DIMT1: variants seen among roughly 807,000 people sequenced by gnomAD.
The protein encoded by DIMT1 is DIM1 rRNA methyltransferase and ribosome maturation factor.
In DIMT1, 36 loss-of-function variants were observed where a neutral mutation model predicts 43.2. That is an observed-to-expected ratio of 0.83 (90% CI 0.64 to 1.10). DIMT1 has a LOEUF of 1.10. Among genes scored for constraint, DIMT1 ranks in the 50% least tolerant of loss-of-function variants. DIMT1 has a pLI of 0.00. For synonymous variants in DIMT1, 126 were observed against 130.3 expected, an observed-to-expected ratio of 0.97 and a Z score of 0.22; for missense variants, 341 against 385.3, an observed-to-expected ratio of 0.88 and a Z score of 0.96.
intron 6 of DIMT1, among the ~76,000 whole-genome samples, chr5:62,395,742 C>T (rs536725447): frequency 3.9e-5 from 6 of 152,148 alleles, no homozygotes; most frequent in Non-Finnish European, 8.8e-5. Flanking sequence ...GCGGCACACA[C>T]CTATAATCCA....
chr5:62,403,487 CTT>C (rs1265689858), intron 1 of DIMT1, 141 bp from the exon 2 acceptor site: 1 of 988,614 alleles, frequency 1.0e-6, no homozygotes, highest in African/African-American at 1.6e-5. Flanking sequence ...CTGACAAACT[CTT>C]TATAAGTTCA....
intron 8 of DIMT1, 108 bp from the exon 9 acceptor site, chr5:62,393,098 T>C: frequency 1.6e-6 from 1 of 615,280 alleles, no homozygotes; most frequent in Non-Finnish European, 2.7e-6. Context: ...GGAAACTTTC[T>C]GAAGTGAAGA....
Position 62,403,737 on chromosome 5 carries a change from G to A in DIMT1, c.36C>T (p.Arg12=), listed in dbSNP as rs775037789. Residue 12 remains arginine (R), a synonymous_variant, in exon 1 of 12, where the codon CGC becomes CGT. Transcript: ENST00000199320. ...PKVKSGAIGR[R]RGRQEQRREL... Reference sequence around the variant, plus strand: ...CCCGGCGCTGCTCCTGCCGCCCGCGGCGGCGGCCGATGGCCCCCGACTTGA... The same window carrying A: ...CCCGGCGCTGCTCCTGCCGCCCGCGACGGCGGCCGATGGCCCCCGACTTGA... 3 of 1,609,798 alleles carry A rather than the reference G, an allele frequency of 1.9e-6. No individual in the cohort carries two copies. The highest frequency in any genetic ancestry group is 2.5e-6 in the Non-Finnish European group (3 of 1,178,710).
In DIMT1 at chr5:62,388,307, A is replaced by G. The variant is rs9981; in HGVS notation, c.*703T>C. On this transcript the variant is annotated 3_prime_UTR_variant, in exon 12 of 12. Transcript: ENST00000199320. ...CTCCCTAAGAACCATAAAAAAAGAT[A>G]ATTTTATTGTTAATTTCATTCCAGT... 1 of 152,104 alleles carries G rather than the reference A, an allele frequency of 6.6e-6. No homozygotes were observed. The allele number at this position is 152,104 out of a possible 1,614,324, so 9.4% of individuals were successfully genotyped here. A position where few individuals can be genotyped will look rare whatever the true frequency, so the allele number is the denominator to read the frequency against.
intron 9 of DIMT1, 80 bp downstream of exon 9, chr5:62,392,846 T>C: frequency 1.1e-6 from 1 of 890,008 alleles, no homozygotes; most frequent in Non-Finnish European, 1.8e-6. Flanking sequence ...TTAGGGTAGC[T>C]GCTCAGGAAA....
chr5:62,403,667 C>A, intron 1 of DIMT1, 27 bp downstream of exon 1: 1 of 1,595,806 alleles, frequency 6.3e-7, no homozygotes. Context: ...ACCCGACCGA[C>A]CCCAGCTTCC....
intron 10 of DIMT1, 189 bp from the exon 11 acceptor site, chr5:62,391,171 ACT>A: frequency 1.9e-6 from 1 of 537,358 alleles, no homozygotes; most frequent in Non-Finnish European, 3.3e-6. Flanking sequence ...ATTAACAAAA[ACT>A]TGGAATACCT....
intron 7 of DIMT1, among the ~76,000 whole-genome samples, 188 bp from the exon 8 acceptor site, chr5:62,394,235 G>C (rs925412552): frequency 2.0e-5 from 3 of 152,222 alleles, no homozygotes; most frequent in Admixed American, 6.5e-5. Context: ...GGGAGGCCAA[G>C]GCAGATGGAT....
chr5:62,392,105 A>C, intron 10 of DIMT1, 66 bp downstream of exon 10: 2 of 1,605,140 alleles, frequency 1.2e-6, no homozygotes, highest in Non-Finnish European at 1.7e-6. Context: ...TAGATCAACA[A>C]GAATAAAAAT....
chr5:62,403,873 G>T lies in DIMT1; in HGVS notation c.-101C>A. On this transcript the variant is annotated 5_prime_UTR_variant, in exon 1 of 12. Coordinates refer to ENST00000199320, the MANE Select transcript of DIMT1 (RefSeq NM_014473.4). ...TGGGGATCGCCGCCACGCGCCGCCC[G>T]CACCACTCTGGCCCAAGCGCCGGAG... 1 of 1,291,550 alleles carries T rather than the reference G, an allele frequency of 7.7e-7. No homozygotes were observed. Among genetic ancestry groups the T allele is most frequent in the Non-Finnish European group, 1.1e-6 (1 of 932,020 alleles). The allele number at this position is 1,291,550 out of a possible 1,614,324, so 80.0% of individuals were successfully genotyped here.
intron 3 of DIMT1, among the ~76,000 whole-genome samples, chr5:62,400,710 T>C (rs958507922): frequency 2.6e-5 from 4 of 151,312 alleles, no homozygotes; most frequent in African/African-American, 9.7e-5. Context: ...CCTGTTTACA[T>C]GGTAAACAAT....
chr5:62,400,363 TC>T, intron 3 of DIMT1, among the ~76,000 whole-genome samples: 1 of 152,168 alleles, frequency 6.6e-6, no homozygotes, highest in Admixed American at 6.5e-5. Context: ...TCCTCCCACC[TC>T]ACCTTCCTGT....
chr5:62,392,945 T>C lies in DIMT1; in HGVS notation c.709A>G (p.Thr237Ala). The change falls in exon 9 of 12, where the codon ACA becomes GCA. Residue 237 changes from threonine (T) to alanine (A), a missense_variant. Physicochemically the swap from Thr to Ala is moderately conservative, Grantham distance 58. Coordinates refer to ENST00000199320, the MANE Select transcript of DIMT1 (RefSeq NM_014473.4). ...ACTTACTTAAATGCAGCAGAGAGTG[T>C]CTTGTTTTTCCTAACAAAGGTTATC... ...VRITFVRKNK[T>A]LSAAFKSSAV... The C allele has an allele frequency of 1.2e-6, 2 of 1,609,518 alleles. No individual in the cohort carries two copies. The highest frequency in any genetic ancestry group is 2.2e-5 in the South Asian group (2 of 90,892).
In DIMT1 at chr5:62,392,153, G is replaced by A. The variant is rs1202590940; in HGVS notation, c.792+18C>T. ...AGAAAACAAATCAATGAAACTGCAG[G>A]AACATTTTCTAACTTACAATATTAT... On this transcript the variant is annotated intron_variant, in intron 10 of 11. Transcript: ENST00000199320. 4.4e-6 allele frequency: 7 copies of A among 1,608,568 alleles called. No homozygotes were observed. In the Admixed American group the frequency reaches 1.0e-4, roughly 23 times the overall value.
Position 62,402,142 on chromosome 5 carries a change from CTT to C in DIMT1, c.154-22_154-21del. The C allele has an allele frequency of 6.2e-7, 1 of 1,612,722 alleles. No individual in the cohort carries two copies. The highest frequency in any genetic ancestry group is 8.5e-7 in the Non-Finnish European group (1 of 1,179,006). On this transcript the variant is annotated intron_variant, in intron 2 of 11. Coordinates refer to ENST00000199320, the MANE Select transcript of DIMT1 (RefSeq NM_014473.4). ...GGCAGCCTAAAAGCAAGCACAAACA[CTT>C]TAGCTCTTCTGGCAACATCAGAACA... is the stretch of plus-strand genomic sequence containing the variant.
rs1310265208 is a variant in DIMT1, at chr5:62,391,872, C to G, written c.792+299G>C. 5 of 1,523,806 alleles carry G rather than the reference C, an allele frequency of 3.3e-6. No homozygotes were observed. The Admixed American group carries it at 6.1e-5, about 18-fold the overall frequency. The allele number at this position is 1,523,806 out of a possible 1,614,324, so 94.4% of individuals were successfully genotyped here. A position where few individuals can be genotyped will look rare whatever the true frequency, so the allele number is the denominator to read the frequency against. On this transcript the variant is annotated intron_variant, in intron 10 of 11. Coordinates refer to ENST00000199320, the MANE Select transcript of DIMT1 (RefSeq NM_014473.4). The stretch of plus-strand genomic sequence containing the variant: ...TTTAAGTTGTGCAAGCTACACATAT[C>G]TACAGCTTTGAGGAACCTGTAACTG...
intron 6 of DIMT1, 152 bp from the exon 7 acceptor site, chr5:62,394,759 C>T: frequency 2.7e-6 from 3 of 1,111,376 alleles, no homozygotes; most frequent in Non-Finnish European, 3.8e-6. Flanking sequence ...TTTATTGCCA[C>T]AGAATGAGAG....
At chr5:62,397,081 C>G (rs187667684) in intron 6 of DIMT1, among the ~76,000 whole-genome samples, 1 of 152,298 alleles carries the variant, frequency 6.6e-6, no homozygotes, top group East Asian at 1.9e-4. Flanking sequence ...TCCCGAGTAG[C>G]TGGGATTATA....
At chr5:62,391,013 G>A (rs1357001626) in intron 10 of DIMT1, 31 bp from the exon 11 acceptor site, 10 of 1,578,544 alleles carry the variant, frequency 6.3e-6, no homozygotes, top group Non-Finnish European at 8.7e-6. Flanking sequence ...ATAAATGAAC[G>A]ACATATCTTT....
Sources: allele counts gnomAD v4.1 joint callset (sites outside exome capture counted in the v4.1 genomes callset), GRCh38; gene constraint gnomAD v4.1.1; transcripts MANE v1.5; gene names NCBI Gene and HGNC (gene_info 2026-07-23, HGNC 2026-07-21).